Variants in ADCY1 observed in about 807,000 individuals in gnomAD.
ADCY1 encodes the protein adenylate cyclase type 1.
ADCY1 carries 28 observed loss-of-function variants against 105.4 expected under a neutral mutation model. The observed-to-expected ratio is 0.27, with a 90% CI of 0.20 to 0.36. ADCY1 has a LOEUF of 0.36. Ranked by LOEUF, ADCY1 falls within the 10% of genes least tolerant of loss-of-function variation. The pLI, the probability that ADCY1 is intolerant of heterozygous loss-of-function variation, is 1.00. For synonymous variants in ADCY1, 655 were observed against 623.8 expected (o/e 1.05, Z -0.75); for missense variants, 977 against 1,434.2 (o/e 0.68, Z 5.15).
Position 45,686,468 on chromosome 7 carries a change from A to G in ADCY1, c.2328-79A>G, listed in dbSNP as rs1784676327. 4.5e-6 allele frequency: 7 copies of G among 1,541,928 alleles called. No individual in the cohort carries two copies. The South Asian group carries it at 8.8e-5, about 19-fold the overall frequency. On this transcript the variant is annotated intron_variant, in intron 13 of 19. Transcript: ENST00000297323. This position sits in a 1 kb window ranked among gnomAD's most constrained non-coding sequence, Gnocchi z 4.3. ...TGTCACCACCTGAGGGTCACTCTGA[A>G]CAGTTCTTGGGTTTGGTGGCAGAGT...
chr7:45,649,854 C>T (rs186546207), intron 5 of ADCY1, among the ~76,000 whole-genome samples: 20 of 152,312 alleles, frequency 1.3e-4, no homozygotes, highest in African/African-American at 4.6e-4. Flanking sequence ...GATGGTAGCT[C>T]CACCTCAAGA....
At chr7:45,617,992 A>G (rs73318970) in intron 3 of ADCY1, among the ~76,000 whole-genome samples, 1,975 of 152,354 alleles carry the variant, frequency 0.013, 28 homozygotes, top group African/African-American at 0.034. Flanking sequence ...CTACCAAGCT[A>G]TATTAACTAA....
intron 14 of ADCY1, among the ~76,000 whole-genome samples, chr7:45,693,803 A>G (rs1784826450): frequency 6.9e-6 from 1 of 144,232 alleles, no homozygotes; most frequent in Non-Finnish European, 1.5e-5. Context: ...TGATGAGTTC[A>G]TATCCTTTGT....
chr7:45,666,104 G>C (rs1432673758), intron 8 of ADCY1, among the ~76,000 whole-genome samples: 1 of 152,098 alleles, frequency 6.6e-6, no homozygotes, highest in African/African-American at 2.4e-5. Context: ...AAAATCACCA[G>C]TATGCTCAAT....
chr7:45,656,586 G>A (rs1794950957), intron 5 of ADCY1, among the ~76,000 whole-genome samples: 1 of 152,158 alleles, frequency 6.6e-6, no homozygotes, highest in South Asian at 2.1e-4. Context: ...GGAGGTTGGG[G>A]AAGCAGTGGG....
rs1792917337 is a variant in ADCY1 at position 45,591,545 on chromosome 7, G to T, written c.640-1214G>T. Among the ~76,000 whole-genome samples, 1 of 152,246 alleles carries T rather than the reference G, an allele frequency of 6.6e-6. No homozygotes were observed. Among genetic ancestry groups the T allele is most frequent in the Non-Finnish European group, 1.5e-5 (1 of 68,050 alleles). On this transcript the variant is annotated intron_variant, in intron 1 of 19. Coordinates refer to ENST00000297323, the MANE Select transcript of ADCY1 (RefSeq NM_021116.4). The surrounding 1 kb of genome is among the most constrained non-coding windows in gnomAD (Gnocchi z 4.1). ...CGGAGCCTGCAGGTTTCTGCTCCCT[G>T]GGAGACAGGTAGAAATGCCTGGGCT...
At chr7:45,672,042 CA>C (rs762156272) in intron 8 of ADCY1, among the ~76,000 whole-genome samples, 1 of 152,158 alleles carries the variant, frequency 6.6e-6, no homozygotes, top group Non-Finnish European at 1.5e-5. Flanking sequence ...CAAATTTTGA[CA>C]TACATTTTAC....
intron 4 of ADCY1, among the ~76,000 whole-genome samples, chr7:45,633,449 A>G (rs1794314354): frequency 4.6e-5 from 7 of 152,250 alleles, no homozygotes; most frequent in Admixed American, 4.6e-4. Context: ...TGAGTATGCC[A>G]TGAATACATA....
In ADCY1 at chr7:45,708,242, CAG is replaced by C. The variant is rs1488445013; in HGVS notation, c.2818-105_2818-104del. The C allele has an allele frequency of 5.7e-6, 4 of 701,792 alleles. No individual in the cohort carries two copies. Among genetic ancestry groups the C allele is most frequent in the Non-Finnish European group, 1.0e-5 (4 of 391,450 alleles). The allele number at this position is 701,792 out of a possible 1,614,324, so 43.5% of individuals were successfully genotyped here. A position where few individuals can be genotyped will look rare whatever the true frequency, so the allele number is the denominator to read the frequency against. ...ATAAATGTGCCTATAGCCAGGCACT[CAG>C]AGTGCCTTCCTCTGAAAGTGCAGCT... On this transcript the variant is annotated intron_variant, in intron 17 of 19. Coordinates refer to ENST00000297323, the MANE Select transcript of ADCY1 (RefSeq NM_021116.4). The surrounding 1 kb of genome is among the most constrained non-coding windows in gnomAD (Gnocchi z 4.7).
rs1351028553 is a variant in ADCY1, at chr7:45,664,482, C to T, written c.1605+2268C>T. 4.7e-6 allele frequency: 7 copies of T among 1,484,822 alleles called. No individual in the cohort carries two copies. In the East Asian group the frequency reaches 1.5e-4, roughly 32 times the overall value. The allele number at this position is 1,484,822 out of a possible 1,614,324, so 92.0% of individuals were successfully genotyped here. A position where few individuals can be genotyped will look rare whatever the true frequency, so the allele number is the denominator to read the frequency against. On this transcript the variant is annotated intron_variant, in intron 8 of 19. Transcript: ENST00000297323. The stretch of plus-strand genomic sequence containing the variant: ...CACGCCAGCTCTGTTCTTCTCTCAG[C>T]ACTCTCTCCTGATCGTAAACATAAT...
intron 1 of ADCY1, among the ~76,000 whole-genome samples, chr7:45,582,387 C>G (rs909910124): frequency 1.3e-5 from 2 of 152,122 alleles, no homozygotes; most frequent in African/African-American, 4.8e-5. Context: ...AGGCTGCCAG[C>G]CTTACCTGCA....
At chr7:45,625,805 C>G (rs1794044502) in intron 4 of ADCY1, among the ~76,000 whole-genome samples, 1 of 152,202 alleles carries the variant, frequency 6.6e-6, no homozygotes, top group African/African-American at 2.4e-5. Flanking sequence ...ACAGTCACCT[C>G]ATGAGAAATG....
Position 45,648,684 on chromosome 7 carries a change from C to G in ADCY1, c.1035C>G (p.Arg345=), listed in dbSNP as rs772033654. 6.2e-7 allele frequency: 1 copy of G among 1,614,194 alleles called. No homozygotes were observed. Among genetic ancestry groups the G allele is most frequent in the South Asian group, 1.1e-5 (1 of 91,072 alleles). ...FDELATENHC[R]RIKILGDCYY... Reference sequence around the variant, plus strand: ...CTTCCCTGAAGGAGAACCACTGTCGCCGCATCAAGATTCTCGGGGACTGCT... The same window carrying G: ...CTTCCCTGAAGGAGAACCACTGTCGGCGCATCAAGATTCTCGGGGACTGCT... Residue 345 remains arginine (R), a synonymous_variant, in exon 5 of 20, where the codon CGC becomes CGG. Coordinates refer to ENST00000297323, the MANE Select transcript of ADCY1 (RefSeq NM_021116.4).
chr7:45,632,877 T>C (rs1420810815), intron 4 of ADCY1, among the ~76,000 whole-genome samples: 1 of 152,002 alleles, frequency 6.6e-6, no homozygotes, highest in Non-Finnish European at 1.5e-5. Flanking sequence ...GGCCAATGTA[T>C]ATGTGTTTTA....
At chr7:45,638,984 A>C (rs1330275692) in intron 4 of ADCY1, among the ~76,000 whole-genome samples, 1 of 152,076 alleles carries the variant, frequency 6.6e-6, no homozygotes, top group Non-Finnish European at 1.5e-5. Flanking sequence ...ATGAAGTAGG[A>C]CCACATGGGA....
chr7:45,712,848 T>C (rs1463264461), intron 19 of ADCY1, among the ~76,000 whole-genome samples: 1 of 152,176 alleles, frequency 6.6e-6, no homozygotes, highest in Non-Finnish European at 1.5e-5. Flanking sequence ...CTTTATCTTT[T>C]TCCTAACTTT....
At chr7:45,673,746 T>G (rs1477464383) in intron 8 of ADCY1, among the ~76,000 whole-genome samples, 1 of 151,908 alleles carries the variant, frequency 6.6e-6, no homozygotes, top group African/African-American at 2.4e-5. Context: ...CTATTTTTTT[T>G]GTTTTCTTTT....
intron 3 of ADCY1, among the ~76,000 whole-genome samples, chr7:45,610,769 A>AAGGTGAGGAGGTGATGGTGGAGGG (rs1793527993): frequency 4.6e-5 from 1 of 21,518 alleles, no homozygotes; most frequent in African/African-American, 2.0e-4. Flanking sequence ...TAGAGGTGAT[A>AAGGTGAGGAGGTGATGGTGGAGGG]GTGGAGGTGT....
At chr7:45,593,843 A>G (rs940001225) in intron 2 of ADCY1, among the ~76,000 whole-genome samples, 3 of 152,262 alleles carry the variant, frequency 2.0e-5, no homozygotes, top group Admixed American at 6.5e-5. Flanking sequence ...AGGATATACA[A>G]TAAAAGTAGG....
Sources: gnomAD v4.1 joint callset for allele counts (sites outside exome capture counted in the v4.1 genomes callset) on GRCh38, gnomAD v4.1.1 for gene constraint, Gnocchi (gnomAD v3.1) non-coding constraint, MANE v1.5 for transcripts, NCBI Gene and HGNC (gene_info 2026-07-23, HGNC 2026-07-21) for gene names.